Variants in SLC5A12 observed in about 807,000 individuals in gnomAD.
SLC5A12 encodes solute carrier family 5 member 12, also known as sodium-coupled monocarboxylate transporter 2.
A neutral mutation model predicts 72.7 loss-of-function variants in SLC5A12; 46 were observed. The observed-to-expected ratio is 0.63, with a 90% CI of 0.50 to 0.81. The LOEUF (loss-of-function observed/expected upper bound fraction) is 0.81, where lower values mean the gene tolerates loss of function less well. Ranked by LOEUF, SLC5A12 falls within the 30% of genes least tolerant of loss-of-function variation. SLC5A12 has a pLI of 0.00. For synonymous variants in SLC5A12, 275 were observed against 264.4 expected (o/e 1.04, Z -0.39); for missense variants, 683 against 740.7 (o/e 0.92, Z 0.90).
intron 1 of SLC5A12, 125 bp from the exon 2 acceptor site, chr11:26,712,831 T>A: frequency 8.9e-6 from 4 of 449,758 alleles, no homozygotes; most frequent in Non-Finnish European, 1.6e-5. Context: ...ATGATATGTA[T>A]CCTTAGAAGC....
chr11:26,703,526 C>G lies in SLC5A12; in HGVS notation c.821+5G>C. On this transcript the variant is annotated splice_donor_5th_base_variant and intron_variant, in intron 6 of 14. Coordinates refer to ENST00000396005, the MANE Select transcript of SLC5A12 (RefSeq NM_178498.4). ...CATTAAAATTTTTCTTGACTGAGAA[C>G]TTACAGCTTAGCATGCTTTTCTGTT... is the stretch of plus-strand genomic sequence containing the variant. 1 of 1,612,958 alleles carries G rather than the reference C, an allele frequency of 6.2e-7. No individual in the cohort carries two copies. The highest frequency in any genetic ancestry group is 1.7e-5 in the Admixed American group (1 of 59,928).
chr11:26,674,799 T>A (rs1272777618), intron 13 of SLC5A12, among the ~76,000 whole-genome samples: 1 of 152,220 alleles, frequency 6.6e-6, no homozygotes, highest in Non-Finnish European at 1.5e-5. Flanking sequence ...CACATAGAAT[T>A]CTACTACTGT....
intron 11 of SLC5A12, among the ~76,000 whole-genome samples, chr11:26,682,345 C>A (rs868661678): frequency 6.6e-6 from 1 of 152,108 alleles, no homozygotes; most frequent in African/African-American, 2.4e-5. Context: ...TGAGGCATAT[C>A]GTTTGCTGAC....
intron 10 of SLC5A12, among the ~76,000 whole-genome samples, chr11:26,684,527 C>T (rs140895868): frequency 6.6e-6 from 1 of 152,262 alleles, no homozygotes; most frequent in African/African-American, 2.4e-5. Context: ...CATCATGCCT[C>T]TCCTAGGAAA....
chr11:26,711,371 C>T lies in SLC5A12; in HGVS notation c.406-13G>A. 1.2e-6 allele frequency: 2 copies of T among 1,609,364 alleles called. No individual in the cohort carries two copies. Among genetic ancestry groups the T allele is most frequent in the Non-Finnish European group, 1.7e-6 (2 of 1,176,776 alleles). On this transcript the variant is annotated splice_polypyrimidine_tract_variant and intron_variant, in intron 2 of 14. Transcript: ENST00000396005. ...CTGTGTAGAGAATCTGGTAGAGAAA[C>T]AAGAATCAGATTGGCAGTGAGAAAG...
intron 1 of SLC5A12, among the ~76,000 whole-genome samples, chr11:26,717,237 ATAG>A (rs1440101563): frequency 6.6e-6 from 1 of 152,160 alleles, no homozygotes; most frequent in African/African-American, 2.4e-5. Context: ...ACACAGTGAA[ATAG>A]TAGCCCGGGC....
At chr11:26,714,681 G>T (rs1191023933) in intron 1 of SLC5A12, among the ~76,000 whole-genome samples, 1 of 151,924 alleles carries the variant, frequency 6.6e-6, no homozygotes, top group Non-Finnish European at 1.5e-5. Context: ...AAATCATTTT[G>T]ATTAAATCAA....
chr11:26,687,009 G>A (rs758571269), intron 9 of SLC5A12, among the ~76,000 whole-genome samples: 11 of 152,136 alleles, frequency 7.2e-5, no homozygotes, highest in Admixed American at 5.9e-4. Context: ...AACAGGTTTC[G>A]CAAATCTGGA....
intron 9 of SLC5A12, among the ~76,000 whole-genome samples, chr11:26,688,771 A>G (rs921115190): frequency 1.3e-5 from 2 of 152,180 alleles, no homozygotes; most frequent in Admixed American, 1.3e-4. Context: ...TTAGATGAAG[A>G]TGGATCCGGG....
chr11:26,700,599 A>C (rs1446012252), intron 6 of SLC5A12, among the ~76,000 whole-genome samples: 1 of 151,420 alleles, frequency 6.6e-6, no homozygotes, highest in African/African-American at 2.5e-5. Flanking sequence ...ATGGAAATGC[A>C]ACTGTGTGTA....
chr11:26,716,738 C>A (rs1855358782), intron 1 of SLC5A12, among the ~76,000 whole-genome samples: 1 of 152,072 alleles, frequency 6.6e-6, no homozygotes, highest in Admixed American at 6.6e-5. Context: ...GTGCTTGCCC[C>A]CCACTTTCAA....
intron 1 of SLC5A12, among the ~76,000 whole-genome samples, chr11:26,714,380 C>T (rs368365044): frequency 4.3e-4 from 65 of 152,084 alleles, no homozygotes; most frequent in African/African-American, 1.5e-3. Context: ...ACGAAGTGAC[C>T]ATTAACAAAT....
At position 26,721,434 on chromosome 11, in the gene SLC5A12, A is replaced by G; in HGVS notation, c.281T>C (p.Leu94Ser). Reference protein sequence around the residue: ...FFIAYLFVILLTSELFLPVFY... With the variant: ...FFIAYLFVILSTSELFLPVFY... ...CACAGGGAGAAAGAGCTCTGATGTTAAGAGGATGACAAATAGGTAAGCAAT... is the reference window on the plus strand; with the variant it reads ...CACAGGGAGAAAGAGCTCTGATGTTGAGAGGATGACAAATAGGTAAGCAAT... The change falls in exon 1 of 15, where the codon TTA becomes TCA. Residue 94 changes from leucine to serine, a missense_variant. Transcript: ENST00000396005. 6.2e-7 allele frequency: 1 copy of G among 1,614,170 alleles called. No individual in the cohort carries two copies. The highest frequency in any genetic ancestry group is 1.7e-5 in the Admixed American group (1 of 60,022).
chr11:26,692,357 T>G (rs1854700845), intron 9 of SLC5A12, 132 bp downstream of exon 9: 1 of 652,960 alleles, frequency 1.5e-6, no homozygotes. Context: ...AGAATCTATG[T>G]GTGGGATTCT....
In SLC5A12 at chr11:26,683,955, C is replaced by T. The variant is rs1854468522; in HGVS notation, c.1222-112G>A. On this transcript the variant is annotated intron_variant, in intron 10 of 14. Coordinates refer to ENST00000396005, the MANE Select transcript of SLC5A12 (RefSeq NM_178498.4). ...ATATTGGGTCCTAGTCCTGACTGTG[C>T]CATTTGTTAATTATGTGCTTTCTAT... 3 of 737,630 alleles carry T rather than the reference C, an allele frequency of 4.1e-6. No homozygotes were observed. The South Asian group carries it at 5.0e-5, about 12-fold the overall frequency. 45.7% of individuals were successfully genotyped at this position (737,630 alleles called of 1,614,324 possible). A position where few individuals can be genotyped will look rare whatever the true frequency, so the allele number is the denominator to read the frequency against.
chr11:26,714,538 A>G (rs1855304590), intron 1 of SLC5A12, among the ~76,000 whole-genome samples: 1 of 152,162 alleles, frequency 6.6e-6, no homozygotes, highest in Non-Finnish European at 1.5e-5. Flanking sequence ...AGACATTAAT[A>G]TATGTCTTTC....
At chr11:26,675,633 T>G (rs982911319) in intron 13 of SLC5A12, among the ~76,000 whole-genome samples, 31 of 152,218 alleles carry the variant, frequency 2.0e-4, no homozygotes, top group Middle Eastern at 6.8e-3. Context: ...ATAGAGGAAA[T>G]GTCTCTAGAT....
intron 13 of SLC5A12, 57 bp downstream of exon 13, chr11:26,678,655 C>A: frequency 1.6e-6 from 2 of 1,245,140 alleles, no homozygotes; most frequent in South Asian, 1.3e-5. Flanking sequence ...GCCAGTCCAC[C>A]AATGCATGCA....
chr11:26,674,720 A>G (rs930316715), intron 13 of SLC5A12, among the ~76,000 whole-genome samples: 1 of 152,148 alleles, frequency 6.6e-6, no homozygotes, highest in African/African-American at 2.4e-5. Context: ...TGGATTTTTA[A>G]AAATCTAAAT....
Sources: gnomAD v4.1 joint callset for allele counts (sites outside exome capture counted in the v4.1 genomes callset) on GRCh38, gnomAD v4.1.1 for gene constraint, MANE v1.5 for transcripts, NCBI Gene and HGNC (gene_info 2026-07-23, HGNC 2026-07-21) for gene names.